Variants in SGTB observed in about 807,000 individuals in gnomAD.
The protein encoded by SGTB is small glutamine rich tetratricopeptide repeat co-chaperone beta.
A neutral mutation model predicts 43.9 loss-of-function variants in SGTB; 19 were observed. The observed-to-expected ratio is 0.43, with a 90% CI of 0.30 to 0.63. The LOEUF (loss-of-function observed/expected upper bound fraction) is 0.63. SGTB is among the 30% of genes least tolerant of loss of function. The pLI, the probability that SGTB is intolerant of heterozygous loss-of-function variation, is 0.12. For synonymous variants in SGTB, 116 were observed against 117.3 expected (o/e 0.99, Z 0.07); for missense variants, 304 against 358.9 (o/e 0.85, Z 1.24).
intron 5 of SGTB, among the ~76,000 whole-genome samples, chr5:65,685,915 G>A (rs1757488396): frequency 6.6e-6 from 1 of 152,108 alleles, no homozygotes; most frequent in South Asian, 2.1e-4. Context: ...CAGTCCCCTG[G>A]CACTTTCTCT....
In SGTB at chr5:65,670,320, G is replaced by A. The variant is rs756970030; in HGVS notation, c.841C>T (p.Pro281Ser). 6.2e-7 allele frequency: 1 copy of A among 1,614,032 alleles called. No homozygotes were observed. The highest frequency in any genetic ancestry group is 1.3e-5 in the African/African-American group (1 of 74,938). Residue 281 changes from proline to serine, a missense_variant, in exon 11 of 11, where the codon CCT becomes TCT. By Grantham distance (74) the Pro-to-Ser change is moderately conservative. Transcript: ENST00000381007. ...TTTCTCAGTTGCTCTATAAGTTCAG[G>A]ATTTTGTTGCTGTATCTGCTGAGCA... is the stretch of plus-strand genomic sequence containing the variant. ...QFAQQIQQQNPELIEQLRNHI... is the reference protein window; with the variant it reads ...QFAQQIQQQNSELIEQLRNHI...
intron 5 of SGTB, among the ~76,000 whole-genome samples, chr5:65,703,431 T>G (rs979516277): frequency 6.6e-6 from 1 of 151,998 alleles, no homozygotes; most frequent in Non-Finnish European, 1.5e-5. Context: ...ACTGGACGAG[T>G]GTGGTGGCTC....
intron 2 of SGTB, among the ~76,000 whole-genome samples, chr5:65,717,956 C>T (rs1478517046): frequency 6.6e-6 from 1 of 152,018 alleles, no homozygotes; most frequent in Non-Finnish European, 1.5e-5. Flanking sequence ...TTATAATTAT[C>T]AACCATGGAA....
chr5:65,720,699 G>A lies in SGTB; in HGVS notation c.100+9C>T, dbSNP rs1271686589. ...ATAATATAAATGAACACAAAGAGCA[G>A]ATGCATACCTTCCAAACTTTCTTGT... On this transcript the variant is annotated intron_variant, in intron 2 of 10. Coordinates refer to ENST00000381007, the MANE Select transcript of SGTB (RefSeq NM_019072.3). 1.9e-6 allele frequency: 3 copies of A among 1,610,666 alleles called. No individual in the cohort carries two copies. The highest frequency in any genetic ancestry group is 2.5e-6 in the Non-Finnish European group (3 of 1,179,230).
At chr5:65,699,497 C>T (rs1757772809) in intron 5 of SGTB, among the ~76,000 whole-genome samples, 1 of 152,152 alleles carries the variant, frequency 6.6e-6, no homozygotes, top group Admixed American at 6.5e-5. Context: ...ACAATTCATC[C>T]GTGTAACCAA....
chr5:65,672,696 A>G (rs572962419), intron 8 of SGTB, among the ~76,000 whole-genome samples: 67 of 152,364 alleles, frequency 4.4e-4, no homozygotes, highest in African/African-American at 1.5e-3. Flanking sequence ...CCATGCTTAC[A>G]GTGGCACAAG....
intron 6 of SGTB, among the ~76,000 whole-genome samples, chr5:65,684,596 A>T (rs1332410729): frequency 6.6e-6 from 1 of 152,128 alleles, no homozygotes; most frequent in Admixed American, 6.5e-5. Context: ...TCTGTCACCC[A>T]GACTGGAGTG....
At chr5:65,675,698 C>T (rs58131346) in intron 8 of SGTB, among the ~76,000 whole-genome samples, 5,296 of 152,144 alleles carry the variant, frequency 0.035, 313 homozygotes, top group African/African-American at 0.12. Context: ...TATTCAACAT[C>T]CTTAAAAGAA....
intron 5 of SGTB, 103 bp from the exon 6 acceptor site, chr5:65,685,575 A>C: frequency 1.2e-6 from 1 of 814,404 alleles, no homozygotes; most frequent in Admixed American, 2.5e-5. Context: ...CAATTTGTAG[A>C]TCACTCCCAC....
chr5:65,707,052 G>A (rs1757945909), intron 4 of SGTB, among the ~76,000 whole-genome samples: 1 of 151,722 alleles, frequency 6.6e-6, no homozygotes, highest in African/African-American at 2.4e-5. Flanking sequence ...CATGAGGTCA[G>A]TAGTTCAAAA....
At chr5:65,703,979 A>G (rs1757871873) in intron 5 of SGTB, among the ~76,000 whole-genome samples, 1 of 150,120 alleles carries the variant, frequency 6.7e-6, no homozygotes, top group East Asian at 2.0e-4. Context: ...CGGAGCTTGC[A>G]GTGAGCCGAG....
intron 4 of SGTB, among the ~76,000 whole-genome samples, chr5:65,707,505 G>A (rs1757957897): frequency 6.7e-6 from 1 of 149,564 alleles, no homozygotes; most frequent in Non-Finnish European, 1.5e-5. Flanking sequence ...CGTGATCTCG[G>A]CTCACTGCAA....
chr5:65,677,754 C>T (rs1486962820), intron 8 of SGTB, among the ~76,000 whole-genome samples: 1 of 152,150 alleles, frequency 6.6e-6, no homozygotes, highest in Non-Finnish European at 1.5e-5. Context: ...ATGATTATCT[C>T]AATAGATGCT....
intron 2 of SGTB, among the ~76,000 whole-genome samples, 176 bp downstream of exon 2, chr5:65,720,528 AAAAC>A (rs1484291146): frequency 4.6e-5 from 7 of 152,244 alleles, no homozygotes; most frequent in Non-Finnish European, 1.0e-4. Flanking sequence ...ATTTGTTGTT[AAAAC>A]AAACAAAACA....
chr5:65,690,805 G>A (rs745614323), intron 5 of SGTB, among the ~76,000 whole-genome samples: 11 of 152,132 alleles, frequency 7.2e-5, no homozygotes, highest in Non-Finnish European at 1.5e-4. Context: ...ATAGAAATGG[G>A]AGTAAGACTT....
chr5:65,689,769 A>G (rs1757570406), intron 5 of SGTB, among the ~76,000 whole-genome samples: 1 of 152,176 alleles, frequency 6.6e-6, no homozygotes, highest in Non-Finnish European at 1.5e-5. Context: ...CTGGCAGACT[A>G]TAGAGAAAAG....
At chr5:65,670,495 G>C (rs780097491) in intron 10 of SGTB, 138 bp from the exon 11 acceptor site, 27 of 626,666 alleles carry the variant, frequency 4.3e-5, no homozygotes, top group Non-Finnish European at 7.5e-5. Flanking sequence ...CATGACTTTA[G>C]AATCTACAAG....
chr5:65,697,972 A>G (rs1056254575), intron 5 of SGTB, among the ~76,000 whole-genome samples: 7 of 152,168 alleles, frequency 4.6e-5, no homozygotes, highest in African/African-American at 1.7e-4. Flanking sequence ...GAAAATATGT[A>G]TGATTTCTTT....
At chr5:65,690,323 C>T (rs1035319241) in intron 5 of SGTB, among the ~76,000 whole-genome samples, 2 of 152,074 alleles carry the variant, frequency 1.3e-5, no homozygotes, top group Admixed American at 1.3e-4. Flanking sequence ...CCTGTAGTTT[C>T]AGCTACTCGG....
Sources: allele counts gnomAD v4.1 joint callset (sites outside exome capture counted in the v4.1 genomes callset), GRCh38; gene constraint gnomAD v4.1.1; transcripts MANE v1.5; gene names NCBI Gene and HGNC (gene_info 2026-07-23, HGNC 2026-07-21).